Variants in PTPRN2 observed in about 807,000 individuals in gnomAD.
The protein encoded by PTPRN2 is protein tyrosine phosphatase receptor type N2.
Under a neutral mutation model 118.8 loss-of-function variants are expected in PTPRN2, and 74 were observed. The ratio of observed to expected loss-of-function variants is 0.62; its 90% confidence interval spans 0.52 to 0.76. The LOEUF is 0.76. PTPRN2 is among the 30% of genes least tolerant of loss of function. The pLI, the probability that PTPRN2 is intolerant of heterozygous loss-of-function variation, is 0.00. For missense variants in PTPRN2, 1,481 were observed against 1,394.4 expected (o/e 1.06, Z -0.99); for synonymous variants, 641 against 608.0 (o/e 1.05, Z -0.80).
chr7:157,612,028 C>T (rs1398158522), intron 15 of PTPRN2, among the ~76,000 whole-genome samples: 1 of 152,224 alleles, frequency 6.6e-6, no homozygotes, highest in Admixed American at 6.5e-5. Flanking sequence ...TGGGAGACAG[C>T]CTGCTTTGGC....
chr7:158,339,836 C>G lies in PTPRN2; in HGVS notation c.164-22904G>C, dbSNP rs1330159721. Among the ~76,000 whole-genome samples, 5 of 112,232 alleles carry G rather than the reference C, an allele frequency of 4.5e-5. 1 individual carries two copies. The East Asian group carries it at 1.5e-3, about 33-fold the overall frequency. 73.6% of individuals were successfully genotyped at this position (112,232 alleles called of 152,430 possible). The stretch of plus-strand genomic sequence containing the variant: ...AATGTCACTCACACCCACACTCTCA[C>G]CATAAGAAGTGACACCTGCAGACAT... On this transcript the variant is annotated intron_variant, in intron 2 of 22. Coordinates refer to ENST00000389418, the MANE Select transcript of PTPRN2 (RefSeq NM_002847.5).
intron 11 of PTPRN2, among the ~76,000 whole-genome samples, chr7:158,066,152 T>C (rs1383240590): frequency 2.6e-5 from 4 of 152,158 alleles, no homozygotes; most frequent in African/African-American, 9.7e-5. Flanking sequence ...AGCTTGGGGG[T>C]CTTGAGGCTC....
chr7:158,328,786 C>T (rs1241603490), intron 2 of PTPRN2, among the ~76,000 whole-genome samples: 1 of 116,510 alleles, frequency 8.6e-6, no homozygotes, highest in Non-Finnish European at 1.7e-5. Flanking sequence ...AGGAGCGGGG[C>T]CTCCATTCCC....
chr7:158,195,530 G>T (rs550378009), intron 4 of PTPRN2, among the ~76,000 whole-genome samples: 2 of 151,544 alleles, frequency 1.3e-5, no homozygotes, highest in South Asian at 4.2e-4. Context: ...TTCTTCAAAT[G>T]ATTTTTCTGT....
chr7:157,693,760 TC>T (rs1797635781), intron 12 of PTPRN2, among the ~76,000 whole-genome samples: 1 of 151,888 alleles, frequency 6.6e-6, no homozygotes, highest in African/African-American at 2.4e-5. Flanking sequence ...CGCACCACCT[TC>T]CCCGCCAGCC....
At chr7:158,383,286 G>C (rs2151351799) in intron 2 of PTPRN2, among the ~76,000 whole-genome samples, 1 of 152,296 alleles carries the variant, frequency 6.6e-6, no homozygotes, top group Admixed American at 6.5e-5. Flanking sequence ...AGCATGCAGG[G>C]TCAGGCACTT....
At chr7:158,567,443 A>C (rs1036552837) in intron 1 of PTPRN2, among the ~76,000 whole-genome samples, 2 of 152,222 alleles carry the variant, frequency 1.3e-5, no homozygotes, top group Non-Finnish European at 1.5e-5. Flanking sequence ...ATTTTTAGGA[A>C]GGCTTTTCAT....
chr7:158,149,083 T>C (rs1820584100), intron 6 of PTPRN2, among the ~76,000 whole-genome samples: 5 of 144,704 alleles, frequency 3.5e-5, no homozygotes, highest in South Asian at 4.4e-4. Context: ...TCCCCCTCAC[T>C]GACACCCCAT....
chr7:157,545,892 G>C (rs940395794), intron 22 of PTPRN2, among the ~76,000 whole-genome samples: 1 of 152,182 alleles, frequency 6.6e-6, no homozygotes, highest in Non-Finnish European at 1.5e-5. Flanking sequence ...TCTTGGCTTC[G>C]TAGAAGCAAG....
intron 15 of PTPRN2, chr7:157,616,012 G>A (rs1366993603): frequency 4.9e-6 from 1 of 202,436 alleles, no homozygotes; most frequent in African/African-American, 2.3e-5. Context: ...CCCCTCTGGA[G>A]GGTAGGTCTT....
chr7:157,754,959 A>G (rs1017783232), intron 12 of PTPRN2, among the ~76,000 whole-genome samples: 2 of 152,142 alleles, frequency 1.3e-5, no homozygotes, highest in African/African-American at 4.8e-5. Flanking sequence ...GTCTGGGATC[A>G]CTGAAGCCTC....
rs558897426 is a variant in PTPRN2, at chr7:158,483,993, A to T, written c.163+5742T>A. Among the ~76,000 whole-genome samples the T allele has an allele frequency of 4.7e-4, 71 of 152,242 alleles. 3 individuals carry two copies. In the South Asian group the frequency reaches 4.8e-3, roughly 10 times the overall value. On this transcript the variant is annotated intron_variant, in intron 2 of 22. Transcript: ENST00000389418. ...TCACTGCAAAAAAAAAATTTTTTTT[A>T]AATAGCCAGGCATGATGGTGTGTGC...
chr7:158,305,426 G>A (rs920509184), intron 3 of PTPRN2, among the ~76,000 whole-genome samples: 8 of 152,080 alleles, frequency 5.3e-5, no homozygotes, highest in African/African-American at 1.4e-4. Flanking sequence ...GAGGTGGAGA[G>A]AGAAAGAGAA....
intron 12 of PTPRN2, among the ~76,000 whole-genome samples, chr7:157,839,995 CGTGTGTGACTGTGTGTGACTGTGTGACT>C (rs1808262931): frequency 7.5e-6 from 1 of 133,798 alleles, no homozygotes; most frequent in South Asian, 2.5e-4. Flanking sequence ...ACTGTGTGGC[CGTGTGTGACTGTGTGTGACTGTGTGACT>C]GTGTGTGACT....
At chr7:158,362,799 G>T (rs1385447004) in intron 2 of PTPRN2, among the ~76,000 whole-genome samples, 1 of 152,200 alleles carries the variant, frequency 6.6e-6, no homozygotes, top group Non-Finnish European at 1.5e-5. Context: ...AAGCCCTGCA[G>T]ATTTCCAAGG....
chr7:157,744,853 C>A (rs529246863), intron 12 of PTPRN2, among the ~76,000 whole-genome samples: 14 of 152,328 alleles, frequency 9.2e-5, no homozygotes, highest in African/African-American at 1.2e-4. Context: ...AGGCCTCTTA[C>A]CAAACGACTC....
At chr7:158,124,807 C>G (rs1817486865) in intron 9 of PTPRN2, among the ~76,000 whole-genome samples, 1 of 152,206 alleles carries the variant, frequency 6.6e-6, no homozygotes, top group South Asian at 2.1e-4. Context: ...GGGTCTGTAT[C>G]TCAGGACCAG....
At chr7:158,413,649 G>A (rs559895933) in intron 2 of PTPRN2, among the ~76,000 whole-genome samples, 8 of 152,342 alleles carry the variant, frequency 5.3e-5, no homozygotes, top group South Asian at 4.1e-4. Flanking sequence ...CCCCTCTCCC[G>A]GGAGGACTAA....
At chr7:158,430,981 C>T (rs1397464377) in intron 2 of PTPRN2, among the ~76,000 whole-genome samples, 2 of 152,194 alleles carry the variant, frequency 1.3e-5, no homozygotes, top group Non-Finnish European at 2.9e-5. Flanking sequence ...TGTTTGACTC[C>T]AGTCAGCCCT....
Sources: gnomAD v4.1 joint callset for allele counts (sites outside exome capture counted in the v4.1 genomes callset) on GRCh38, gnomAD v4.1.1 for gene constraint, MANE v1.5 for transcripts, NCBI Gene and HGNC (gene_info 2026-07-23, HGNC 2026-07-21) for gene names.